The following GPC5 variants were observed in gnomAD, a reference collection of about 807,000 sequenced individuals.
GPC5 encodes the protein glypican-5.
A neutral mutation model predicts 53.9 loss-of-function variants in GPC5; 47 were observed. The observed-to-expected ratio is 0.87, with a 90% CI of 0.69 to 1.11. The LOEUF is 1.11. Ranked by LOEUF, GPC5 falls within the 50% of genes most tolerant of loss-of-function variation. GPC5 has a pLI of 0.00. For missense variants in GPC5, 748 were observed against 713.1 expected, an observed-to-expected ratio of 1.05 and a Z score of -0.56; for synonymous variants, 286 against 263.3, an observed-to-expected ratio of 1.09 and a Z score of -0.84.
intron 7 of GPC5, among the ~76,000 whole-genome samples, chr13:92,243,381 A>C (rs1328415426): frequency 6.6e-6 from 1 of 152,192 alleles, no homozygotes; most frequent in African/African-American, 2.4e-5. Flanking sequence ...TCTGTTTTCA[A>C]GAAGTAGATT....
intron 7 of GPC5, among the ~76,000 whole-genome samples, chr13:92,227,585 G>A (rs2042497289): frequency 6.6e-6 from 1 of 152,122 alleles, no homozygotes; most frequent in East Asian, 1.9e-4. Context: ...GTTATCAAAA[G>A]AGACAGAAAA....
chr13:91,926,961 T>C (rs943513566), intron 6 of GPC5, among the ~76,000 whole-genome samples: 6 of 152,196 alleles, frequency 3.9e-5, no homozygotes, highest in Admixed American at 1.3e-4. Flanking sequence ...CTGAAAACTT[T>C]ATGTTAGAAT....
intron 5 of GPC5, among the ~76,000 whole-genome samples, chr13:91,851,645 C>G (rs922022183): frequency 4.7e-5 from 5 of 106,222 alleles, no homozygotes; most frequent in African/African-American, 1.4e-4. Flanking sequence ...TGCTATCCCT[C>G]CCCCCTCCCC....
intron 7 of GPC5, among the ~76,000 whole-genome samples, chr13:92,757,219 C>T (rs1019475245): frequency 2.0e-5 from 3 of 152,160 alleles, no homozygotes; most frequent in African/African-American, 7.2e-5. Context: ...CTGACAAAAA[C>T]AAGAAATGGG....
chr13:92,433,463 A>C (rs748510584), intron 7 of GPC5, among the ~76,000 whole-genome samples: 24 of 152,178 alleles, frequency 1.6e-4, no homozygotes, highest in Non-Finnish European at 3.1e-4. Context: ...GAAAAATAGG[A>C]ATTACTGATC....
chr13:92,780,682 ATT>A (rs11424512), intron 7 of GPC5, among the ~76,000 whole-genome samples: 2 of 151,666 alleles, frequency 1.3e-5, no homozygotes. Flanking sequence ...TGCAGAAAAC[ATT>A]TTTTTTAGAA....
intron 7 of GPC5, among the ~76,000 whole-genome samples, chr13:92,848,804 C>A (rs1043755325): frequency 6.6e-5 from 10 of 152,060 alleles, no homozygotes; most frequent in Non-Finnish European, 1.2e-4. Flanking sequence ...ACACCAGAAA[C>A]AACATTAGGT....
chr13:91,818,643 T>G (rs917144468), intron 5 of GPC5, among the ~76,000 whole-genome samples: 6 of 152,174 alleles, frequency 3.9e-5, no homozygotes, highest in African/African-American at 1.4e-4. Context: ...TTAAAAGACA[T>G]TCTAGCACCA....
intron 5 of GPC5, among the ~76,000 whole-genome samples, chr13:91,766,820 A>G (rs1566671898): frequency 6.6e-6 from 1 of 152,220 alleles, no homozygotes; most frequent in Non-Finnish European, 1.5e-5. Flanking sequence ...AGACTGCACC[A>G]CTGCACTCCA....
intron 7 of GPC5, among the ~76,000 whole-genome samples, chr13:92,190,740 A>G (rs1040799774): frequency 4.6e-5 from 7 of 152,160 alleles, no homozygotes; most frequent in African/African-American, 1.7e-4. Context: ...ATAAGCTAAG[A>G]CAGGAGAGAA....
chr13:91,746,067 G>A (rs1374230540), intron 4 of GPC5, among the ~76,000 whole-genome samples: 1 of 152,206 alleles, frequency 6.6e-6, no homozygotes, highest in Non-Finnish European at 1.5e-5. Flanking sequence ...AGAACAGCAA[G>A]AGAAAAGAGT....
intron 5 of GPC5, among the ~76,000 whole-genome samples, chr13:91,882,276 A>T (rs115626658): frequency 1.3e-5 from 2 of 152,060 alleles, no homozygotes; most frequent in East Asian, 3.8e-4. Context: ...AAAATTTTCA[A>T]TGGAAGCTTG....
intron 7 of GPC5, among the ~76,000 whole-genome samples, chr13:92,397,654 CT>C (rs745892344): frequency 1.3e-5 from 2 of 152,114 alleles, no homozygotes; most frequent in Non-Finnish European, 2.9e-5. Context: ...AATCTCAGTT[CT>C]CTGATGAAAC....
chr13:92,840,078 CATATATATATATATATAT>C (rs4001881), intron 7 of GPC5, among the ~76,000 whole-genome samples: 5,901 of 99,064 alleles, frequency 0.06, 565 homozygotes, highest in African/African-American at 0.21. Flanking sequence ...TATATACATA[CATATATATATATATATAT>C]ATATATATAT....
At chr13:91,804,918 C>T (rs1304158880) in intron 5 of GPC5, among the ~76,000 whole-genome samples, 1 of 152,172 alleles carries the variant, frequency 6.6e-6, no homozygotes, top group Non-Finnish European at 1.5e-5. Flanking sequence ...ACATGAGGGC[C>T]ATCTGGTTCC....
At chr13:92,152,287 T>G (rs2041912713) in intron 7 of GPC5, among the ~76,000 whole-genome samples, 1 of 152,188 alleles carries the variant, frequency 6.6e-6, no homozygotes, top group Admixed American at 6.6e-5. Flanking sequence ...ATAAAATTAG[T>G]ATATCTTGAA....
intron 7 of GPC5, among the ~76,000 whole-genome samples, chr13:92,310,533 C>A (rs1331274755): frequency 6.6e-6 from 1 of 152,166 alleles, no homozygotes; most frequent in Non-Finnish European, 1.5e-5. Context: ...CATTTCATTT[C>A]ATGCTGGCTG....
chr13:92,236,623 T>G (rs2042572383), intron 7 of GPC5, among the ~76,000 whole-genome samples: 1 of 152,144 alleles, frequency 6.6e-6, no homozygotes, highest in Non-Finnish European at 1.5e-5. Flanking sequence ...GATGCTTAAT[T>G]TTAATTGTTC....
intron 5 of GPC5, among the ~76,000 whole-genome samples, chr13:91,826,777 G>C (rs1007584668): frequency 2.0e-5 from 3 of 151,996 alleles, no homozygotes; most frequent in Admixed American, 2.0e-4. Flanking sequence ...GGAAAGCATT[G>C]TTAATAAATG....
Sources: gnomAD v4.1 joint callset for allele counts (sites outside exome capture counted in the v4.1 genomes callset) on GRCh38, gnomAD v4.1.1 for gene constraint, MANE v1.5 for transcripts, NCBI Gene and HGNC (gene_info 2026-07-23, HGNC 2026-07-21) for gene names.